The following VIPR2 variants were observed in gnomAD, a reference collection of about 807,000 sequenced individuals.
The protein encoded by VIPR2 is vasoactive intestinal polypeptide receptor 2.
A neutral mutation model predicts 58.0 loss-of-function variants in VIPR2; 48 were observed. The ratio of observed to expected loss-of-function variants is 0.83; its 90% CI spans 0.66 to 1.05. VIPR2 has a LOEUF of 1.05. VIPR2 is among the 50% of genes least tolerant of loss of function. The pLI is 0.00. For missense variants in VIPR2, 534 were observed against 558.0 expected, an observed-to-expected ratio of 0.96 and a Z score of 0.43; for synonymous variants, 243 against 235.2, an observed-to-expected ratio of 1.03 and a Z score of -0.30.
intron 1 of VIPR2, among the ~76,000 whole-genome samples, chr7:159,143,778 TTC>T (rs1462342067): frequency 1.3e-5 from 2 of 152,262 alleles, no homozygotes; most frequent in African/African-American, 4.8e-5. Flanking sequence ...CAGCAATGAC[TTC>T]TTTTAGGACA....
intron 4 of VIPR2, among the ~76,000 whole-genome samples, chr7:159,069,815 C>T (rs73730142): frequency 0.026 from 3,928 of 152,288 alleles, 145 homozygotes; most frequent in African/African-American, 0.085. Flanking sequence ...CCCAGTTCCC[C>T]CTTTTAAAAA....
intron 2 of VIPR2, among the ~76,000 whole-genome samples, chr7:159,114,963 G>C (rs1439597947): frequency 6.6e-6 from 1 of 152,192 alleles, no homozygotes; most frequent in Non-Finnish European, 1.5e-5. Context: ...TCAACAATGT[G>C]TCATAAGTTG....
intron 4 of VIPR2, among the ~76,000 whole-genome samples, chr7:159,085,182 TGCA>T (rs1425665594): frequency 6.6e-6 from 1 of 152,228 alleles, no homozygotes; most frequent in Non-Finnish European, 1.5e-5. Flanking sequence ...GTCATGATGG[TGCA>T]GCATTTTGCA....
intron 4 of VIPR2, among the ~76,000 whole-genome samples, chr7:159,076,935 T>C (rs1483908595): frequency 1.3e-5 from 2 of 152,234 alleles, no homozygotes; most frequent in Non-Finnish European, 2.9e-5. Context: ...CATGGCTTGG[T>C]TGCTTAGCCT....
chr7:159,115,322 G>T (rs1585530166), intron 2 of VIPR2, among the ~76,000 whole-genome samples: 1 of 152,240 alleles, frequency 6.6e-6, no homozygotes, highest in Non-Finnish European at 1.5e-5. Flanking sequence ...AAAGAGCAAT[G>T]AAACCCTTTG....
At chr7:159,072,614 C>T (rs113146048) in intron 4 of VIPR2, among the ~76,000 whole-genome samples, 262 of 152,274 alleles carry the variant, frequency 1.7e-3, no homozygotes, top group Middle Eastern at 6.8e-3. Context: ...CCTTCCTGGA[C>T]GACAGGCCCA....
intron 3 of VIPR2, among the ~76,000 whole-genome samples, chr7:159,106,796 C>A (rs550896391): frequency 1.5e-5 from 2 of 133,400 alleles, no homozygotes; most frequent in African/African-American, 5.8e-5. Context: ...AGAGAGAGGC[C>A]GGGGAGGTAC....
chr7:159,117,549 T>G, intron 2 of VIPR2: 1 of 640,274 alleles, frequency 1.6e-6, no homozygotes. Context: ...AGTTGTCACC[T>G]GCACCATGCT....
At chr7:159,119,884 T>TCGGAAGAAACACC (rs57576036) in intron 2 of VIPR2, among the ~76,000 whole-genome samples, 2 of 148,048 alleles carry the variant, frequency 1.4e-5, no homozygotes, top group African/African-American at 5.1e-5. Context: ...GTAGGTGGGG[T>TCGGAAGAAACACC]TGGAAGAAAC....
Position 159,099,074 on chromosome 7 carries a change from T to C in VIPR2, c.357+4683A>G, listed in dbSNP as rs991591611. On this transcript the variant is annotated intron_variant, in intron 4 of 12. Transcript: ENST00000262178. The surrounding 1 kb of genome is among the most constrained non-coding windows in gnomAD (Gnocchi z 4.2). ...GCTGTTGCTTCGTCTTGGAAGCGAG[T>C]CCCTAAACCAACCAAGTATTCAAAG... Among the ~76,000 whole-genome samples the C allele has an allele frequency of 6.6e-6, 1 of 152,158 alleles. No homozygotes were observed. The highest frequency in any genetic ancestry group is 1.5e-5 in the Non-Finnish European group (1 of 68,036).
In VIPR2 at chr7:159,032,288, C is replaced by T. The variant is rs116651265; in HGVS notation, c.972-221G>A. 9.0e-3 allele frequency among the ~76,000 whole-genome samples: 1,377 copies of T among 152,304 alleles called. 18 individuals are homozygous for T. Among genetic ancestry groups the T allele is most frequent in the African/African-American group, 0.03 (1,262 of 41,562 alleles). On this transcript the variant is annotated intron_variant, in intron 10 of 12. Coordinates refer to ENST00000262178, the MANE Select transcript of VIPR2 (RefSeq NM_003382.5). ...ACTCAGGGCCTGGGAACGTGCATTC[C>T]GGAAGTGTCCGTTTCTCCCAAATTC...
chr7:159,115,008 G>A (rs188034528), intron 2 of VIPR2, among the ~76,000 whole-genome samples: 48 of 152,216 alleles, frequency 3.2e-4, no homozygotes, highest in Non-Finnish European at 4.4e-5. Flanking sequence ...GAACTAAGAG[G>A]TATAAATTGG....
At chr7:159,083,537 C>G (rs376995761) in intron 4 of VIPR2, among the ~76,000 whole-genome samples, 2 of 152,190 alleles carry the variant, frequency 1.3e-5, no homozygotes, top group African/African-American at 4.8e-5. Flanking sequence ...TCACACAGCA[C>G]GCGGGTTCAA....
intron 5 of VIPR2, among the ~76,000 whole-genome samples, chr7:159,046,710 G>A (rs1348322980): frequency 6.6e-6 from 1 of 152,008 alleles, no homozygotes; most frequent in Non-Finnish European, 1.5e-5. Context: ...CACAAATTTT[G>A]GAAATCCACC....
At position 159,031,403 on chromosome 7, in the gene VIPR2, G is replaced by A. The variant is rs1585318290; in HGVS notation, c.1143+425C>T. On this transcript the variant is annotated intron_variant, in intron 12 of 12. Transcript: ENST00000262178. The surrounding 1 kb of genome is among the most constrained non-coding windows in gnomAD (Gnocchi z 4.0). ...CTCCCTGGCTGGGAATGAACGCAGG[G>A]CAGAGCTCGGCTCCGGGCTTCCTCC... 3 of 979,842 alleles carry A rather than the reference G, an allele frequency of 3.1e-6. No homozygotes were observed. Among genetic ancestry groups the A allele is most frequent in the Middle Eastern group, 5.2e-4 (1 of 1,906 alleles). 60.7% of individuals were successfully genotyped at this position (979,842 alleles called of 1,614,324 possible).
At chr7:159,100,442 G>C (rs1193558495) in intron 4 of VIPR2, among the ~76,000 whole-genome samples, 1 of 147,316 alleles carries the variant, frequency 6.8e-6, no homozygotes, top group Non-Finnish European at 1.5e-5. Flanking sequence ...CTTATCCACT[G>C]AACACAGTGA....
intron 2 of VIPR2, among the ~76,000 whole-genome samples, chr7:159,112,983 C>T (rs1796096336): frequency 6.6e-6 from 1 of 152,204 alleles, no homozygotes; most frequent in South Asian, 2.1e-4. Context: ...GCTCACAATG[C>T]CTGCCTGGGG....
intron 5 of VIPR2, among the ~76,000 whole-genome samples, chr7:159,044,085 A>C (rs902907329): frequency 9.2e-5 from 14 of 152,230 alleles, no homozygotes; most frequent in Non-Finnish European, 1.6e-4. Context: ...GCAGAGCTGC[A>C]GACAGTCTGG....
rs1182182050 is a variant in VIPR2, at chr7:159,099,161, T to A, written c.357+4596A>T. Among the ~76,000 whole-genome samples the A allele has an allele frequency of 3.3e-5, 5 of 152,268 alleles. No homozygotes were observed. In the South Asian group the frequency reaches 1.0e-3, roughly 31 times the overall value. ...TATTCATTTTGGTTTTGTGCCATCC[T>A]TTTCTTTGCTTTCTCACTTTAAAAT... On this transcript the variant is annotated intron_variant, in intron 4 of 12. Transcript: ENST00000262178. This position sits in a 1 kb window ranked among gnomAD's most constrained non-coding sequence, Gnocchi z 4.2.
Sources: gnomAD v4.1 joint callset for allele counts (sites outside exome capture counted in the v4.1 genomes callset) on GRCh38, gnomAD v4.1.1 for gene constraint, Gnocchi (gnomAD v3.1) non-coding constraint, MANE v1.5 for transcripts, NCBI Gene and HGNC (gene_info 2026-07-23, HGNC 2026-07-21) for gene names.